LDLRAP1: variants seen among roughly 807,000 people sequenced by gnomAD.
The protein encoded by LDLRAP1 is low density lipoprotein receptor adaptor protein 1, also known as low density lipoprotein receptor adapter protein 1.
LDLRAP1 carries 30 observed loss-of-function variants against 37.8 expected under a neutral mutation model. The observed-to-expected ratio is 0.79, with a 90% confidence interval of 0.59 to 1.08. The LOEUF (loss-of-function observed/expected upper bound fraction) is 1.08. Among genes scored for constraint, LDLRAP1 ranks in the 50% least tolerant of loss-of-function variants. LDLRAP1 has a pLI of 0.00. For missense variants in LDLRAP1, 375 were observed against 401.6 expected (o/e 0.93, Z 0.57); for synonymous variants, 156 against 169.8 (o/e 0.92, Z 0.63).
chr1:25,556,986 A>G (rs1407328330), intron 3 of LDLRAP1, among the ~76,000 whole-genome samples, 167 bp from the exon 4 acceptor site: 1 of 152,100 alleles, frequency 6.6e-6, no homozygotes, highest in African/African-American at 2.4e-5. Flanking sequence ...TCCTGCACAG[A>G]TGGCCTAGGT....
intron 4 of LDLRAP1, among the ~76,000 whole-genome samples, chr1:25,562,437 C>A (rs534243543): frequency 1.3e-5 from 2 of 152,330 alleles, no homozygotes; most frequent in South Asian, 2.1e-4. Flanking sequence ...GAGGCTATGG[C>A]CTTATGACAC....
chr1:25,588,179 G>A, the LDLRAP1 span, among the ~76,000 whole-genome samples: 2,981 of 152,254 alleles, frequency 0.02, 105 homozygotes, highest in African/African-American at 0.068. Flanking sequence ...GGAAAGCCAG[G>A]TATTGTCCAA....
chr1:25,589,378 A>C, the LDLRAP1 span, among the ~76,000 whole-genome samples: 1 of 150,974 alleles, frequency 6.6e-6, no homozygotes, highest in Non-Finnish European at 1.5e-5. Flanking sequence ...ATGCTTGTTG[A>C]GTGTGATGGT....
chr1:25,565,506 T>C (rs1398883143), intron 8 of LDLRAP1, among the ~76,000 whole-genome samples: 2 of 152,082 alleles, frequency 1.3e-5, no homozygotes, highest in African/African-American at 4.8e-5. Context: ...TCAAGTTGAT[T>C]TCCTCCGACT....
At chr1:25,556,667 C>T (rs1202377751) in intron 3 of LDLRAP1, among the ~76,000 whole-genome samples, 2 of 152,178 alleles carry the variant, frequency 1.3e-5, no homozygotes, top group African/African-American at 2.4e-5. Flanking sequence ...TGGCACACAG[C>T]CTTAAGAGGC....
chr1:25,578,853 A>G, the LDLRAP1 span, among the ~76,000 whole-genome samples: 1 of 152,176 alleles, frequency 6.6e-6, no homozygotes, highest in Non-Finnish European at 1.5e-5. Context: ...ATAGTGACTC[A>G]GGTGAGAGAC....
the LDLRAP1 span, among the ~76,000 whole-genome samples, chr1:25,586,647 A>C: frequency 6.6e-6 from 1 of 152,018 alleles, no homozygotes; most frequent in Non-Finnish European, 1.5e-5. This position sits in a 1 kb window ranked among gnomAD's most constrained non-coding sequence, Gnocchi z 4.3. Flanking sequence ...TCTGGAGCAC[A>C]GCACTGCAGC....
the LDLRAP1 span, among the ~76,000 whole-genome samples, chr1:25,579,503 C>T: frequency 1.3e-5 from 2 of 152,232 alleles, no homozygotes; most frequent in Non-Finnish European, 2.9e-5. Flanking sequence ...TTTGGTTTTT[C>T]ACAGACTTAA....
At chr1:25,562,999 C>T (rs751758820) in intron 5 of LDLRAP1, 71 bp from the exon 6 acceptor site, 10 of 1,443,716 alleles carry the variant, frequency 6.9e-6, no homozygotes, top group Non-Finnish European at 9.8e-6. Context: ...GCTAATCACC[C>T]CTGCCCGGTG....
the LDLRAP1 span, among the ~76,000 whole-genome samples, chr1:25,584,692 T>C: frequency 2.3e-4 from 35 of 152,026 alleles, no homozygotes; most frequent in South Asian, 5.8e-3. Flanking sequence ...AAGAATCCCT[T>C]CCCCCACGTA....
downstream of LDLRAP1, among the ~76,000 whole-genome samples, chr1:25,570,124 TC>T (rs2044583572): frequency 6.6e-6 from 1 of 152,218 alleles, no homozygotes. Context: ...GGCAGAGCCC[TC>T]ATATCAGCAT....
rs2044408614 is a variant in LDLRAP1 at position 25,563,777 on chromosome 1, A to G, written c.733A>G (p.Ser245Gly). 1 of 1,613,948 alleles carries G rather than the reference A, an allele frequency of 6.2e-7. No homozygotes were observed. Among genetic ancestry groups the G allele is most frequent in the Non-Finnish European group, 8.5e-7 (1 of 1,180,032 alleles). ...EVPRPQALSGSSVVWELDDGL... is the reference protein window; with the variant it reads ...EVPRPQALSGGSVVWELDDGL... ...GCCGCGGCCACAAGCCTTGAGTGGC[A>G]GCAGTGTTGTCTGGGTGAGTGGTTG... The change falls in exon 7 of 9, where the codon AGC (serine) becomes GGC (glycine). Residue 245 changes from serine (S) to glycine (G), a missense_variant. Transcript: ENST00000374338.
intron 1 of LDLRAP1, among the ~76,000 whole-genome samples, chr1:25,552,890 G>C (rs553717196): frequency 1.3e-5 from 2 of 152,276 alleles, no homozygotes; most frequent in East Asian, 3.9e-4. Flanking sequence ...TCTCCTTGTG[G>C]ACTCTGTTCT....
the LDLRAP1 span, among the ~76,000 whole-genome samples, chr1:25,582,575 C>A: frequency 2.1e-4 from 28 of 134,356 alleles, no homozygotes; most frequent in East Asian, 6.1e-3. Flanking sequence ...CAGAGCGAGA[C>A]CCCATCTCAA....
the LDLRAP1 span, among the ~76,000 whole-genome samples, chr1:25,582,498 T>C: frequency 4.7e-5 from 7 of 149,794 alleles, no homozygotes; most frequent in East Asian, 2.0e-4. Flanking sequence ...GGCAGGAGAA[T>C]CGCTTGAACC....
At chr1:25,566,226 C>T (rs536745295) in intron 8 of LDLRAP1, among the ~76,000 whole-genome samples, 1 of 152,304 alleles carries the variant, frequency 6.6e-6, no homozygotes, top group South Asian at 2.1e-4. Context: ...CATGCTAATC[C>T]TATACATATA....
chr1:25,565,053 G>A (rs1181647010), intron 7 of LDLRAP1, 120 bp from the exon 8 acceptor site: 7 of 1,096,112 alleles, frequency 6.4e-6, no homozygotes, highest in Non-Finnish European at 9.8e-6. Flanking sequence ...GTGCCTCCAG[G>A]CGCCCACCCT....
At chr1:25,577,539 G>C in the LDLRAP1 span, among the ~76,000 whole-genome samples, 183 of 152,332 alleles carry the variant, frequency 1.2e-3, 1 homozygote, top group Non-Finnish European at 2.0e-3. Context: ...AGCCAGAGAT[G>C]AGCGTCGAGC....
At chr1:25,566,221 T>C (rs1218353366) in intron 8 of LDLRAP1, among the ~76,000 whole-genome samples, 1 of 152,218 alleles carries the variant, frequency 6.6e-6, no homozygotes, top group African/African-American at 2.4e-5. Flanking sequence ...TAATTCATGC[T>C]AATCCTATAC....
Sources: gnomAD v4.1 joint callset for allele counts (sites outside exome capture counted in the v4.1 genomes callset) on GRCh38, gnomAD v4.1.1 for gene constraint, Gnocchi (gnomAD v3.1) non-coding constraint, MANE v1.5 for transcripts, NCBI Gene and HGNC (gene_info 2026-07-23, HGNC 2026-07-21) for gene names.